MIPOL1: variants seen among roughly 807,000 people sequenced by gnomAD.
MIPOL1 encodes the protein mirror-image polydactyly gene 1 protein.
In MIPOL1, 57 loss-of-function variants were observed where a neutral mutation model predicts 60.9. The observed-to-expected ratio is 0.94, with a 90% confidence interval of 0.76 to 1.17. MIPOL1 has a LOEUF of 1.17. Ranked by LOEUF, MIPOL1 falls within the 50% of genes most tolerant of loss-of-function variation. The probability of loss-of-function intolerance (pLI) is 0.00; values close to 1 mark genes in which losing one functional copy is unlikely to be tolerated. For missense variants in MIPOL1, 551 were observed against 511.6 expected, an observed-to-expected ratio of 1.08 and a Z score of -0.74; for synonymous variants, 179 against 168.8, an observed-to-expected ratio of 1.06 and a Z score of -0.47.
chr14:37,215,149 G>A (rs1967406645), intron 1 of MIPOL1, among the ~76,000 whole-genome samples: 1 of 152,074 alleles, frequency 6.6e-6, no homozygotes, highest in Non-Finnish European at 1.5e-5. Context: ...CTCTCTCTCT[G>A]TCCGCCTTGG....
intron 12 of MIPOL1, among the ~76,000 whole-genome samples, chr14:37,538,039 T>C (rs914604398): frequency 5.3e-5 from 8 of 152,240 alleles, no homozygotes; most frequent in Non-Finnish European, 7.3e-5. Context: ...GATGATACCC[T>C]GTAGCTGGTC....
At chr14:37,265,087 A>G (rs2082779668) in intron 3 of MIPOL1, 2 of 152,334 alleles carry the variant, frequency 1.3e-5, no homozygotes, top group Middle Eastern at 3.4e-3. Context: ...ATTTCAATAC[A>G]AGAAATGTCT....
At chr14:37,236,674 G>C (rs1278994703) in intron 1 of MIPOL1, among the ~76,000 whole-genome samples, 1 of 152,024 alleles carries the variant, frequency 6.6e-6, no homozygotes, top group Non-Finnish European at 1.5e-5. Flanking sequence ...CTGACCTCAG[G>C]TGATCTATCT....
intron 7 of MIPOL1, among the ~76,000 whole-genome samples, chr14:37,292,601 C>G (rs1427384479): frequency 6.6e-6 from 1 of 151,020 alleles, no homozygotes; most frequent in East Asian, 2.0e-4. Context: ...CTGCCTCAGC[C>G]TCCAGAGTTG....
intron 12 of MIPOL1, among the ~76,000 whole-genome samples, chr14:37,522,657 T>C (rs1192593017): frequency 6.6e-6 from 1 of 152,180 alleles, no homozygotes; most frequent in East Asian, 1.9e-4. Context: ...AAAAGCAAAC[T>C]GTGAATGAAC....
At chr14:37,270,282 A>T (rs982502961) in intron 5 of MIPOL1, 138 bp from the exon 6 acceptor site, 3 of 421,372 alleles carry the variant, frequency 7.1e-6, no homozygotes, top group East Asian at 3.8e-5. Flanking sequence ...TAAATTTTAA[A>T]TTTTTTTCTG....
chr14:37,508,485 C>A (rs1367274628), intron 12 of MIPOL1, among the ~76,000 whole-genome samples: 8 of 151,998 alleles, frequency 5.3e-5, no homozygotes, highest in Admixed American at 1.3e-4. Context: ...GTACAATGAA[C>A]ATATGTTTAT....
Position 37,451,340 on chromosome 14 carries a change from T to C in MIPOL1, c.1031+28391T>C, listed in dbSNP as rs187219640. Among the ~76,000 whole-genome samples, 450 of 152,294 alleles carry C rather than the reference T, an allele frequency of 3.0e-3. 3 individuals are homozygous for C. The highest frequency in any genetic ancestry group is 9.3e-3 in the African/African-American group (387 of 41,564). On this transcript the variant is annotated intron_variant, in intron 11 of 12. Transcript: ENST00000684589. ...ATGAAGGCAGCTATTGAGATGGCCT[T>C]ATTAATGTCAGAAGCCAGTGTTTCT... is the stretch of plus-strand genomic sequence containing the variant.
intron 3 of MIPOL1, among the ~76,000 whole-genome samples, chr14:37,266,057 C>A (rs1311407136): frequency 6.6e-6 from 1 of 151,932 alleles, no homozygotes; most frequent in African/African-American, 2.4e-5. Context: ...AATAAAACTT[C>A]AAGGGGTTAT....
intron 10 of MIPOL1, among the ~76,000 whole-genome samples, chr14:37,382,168 A>G (rs1452064025): frequency 6.6e-6 from 1 of 152,064 alleles, no homozygotes; most frequent in African/African-American, 2.4e-5. Flanking sequence ...ATTTCCAGTA[A>G]CTGAATTCTA....
intron 9 of MIPOL1, among the ~76,000 whole-genome samples, chr14:37,351,936 T>G (rs981547137): frequency 2.7e-5 from 4 of 150,474 alleles, no homozygotes; most frequent in African/African-American, 9.8e-5. Context: ...ATTTTGTCTT[T>G]TGTTGCCATT....
At chr14:37,222,967 A>G (rs969856056) in intron 1 of MIPOL1, among the ~76,000 whole-genome samples, 4 of 152,190 alleles carry the variant, frequency 2.6e-5, no homozygotes, top group African/African-American at 9.7e-5. Flanking sequence ...GAGGGTCTTC[A>G]TCTATGGTGG....
intron 11 of MIPOL1, among the ~76,000 whole-genome samples, chr14:37,489,344 T>G (rs1485010131): frequency 6.6e-6 from 1 of 152,180 alleles, no homozygotes; most frequent in Admixed American, 6.5e-5. Flanking sequence ...TAGTTAGCAT[T>G]TCCTCTAACC....
intron 7 of MIPOL1, among the ~76,000 whole-genome samples, chr14:37,305,048 C>T (rs1014822511): frequency 2.6e-5 from 4 of 151,530 alleles, no homozygotes; most frequent in African/African-American, 9.7e-5. Flanking sequence ...ACTAGTAAAC[C>T]TTAGTACCTT....
At chr14:37,494,955 G>T (rs1056310492) in intron 11 of MIPOL1, among the ~76,000 whole-genome samples, 6 of 151,868 alleles carry the variant, frequency 4.0e-5, no homozygotes, top group African/African-American at 1.2e-4. Context: ...CCATCTGAGA[G>T]AAAAATCAAA....
chr14:37,201,482 T>G (rs1965334863), intron 1 of MIPOL1, among the ~76,000 whole-genome samples: 1 of 152,208 alleles, frequency 6.6e-6, no homozygotes. Context: ...TTCTGGATAT[T>G]TTGAGTAAAA....
chr14:37,305,707 T>C (rs151054204), intron 7 of MIPOL1, among the ~76,000 whole-genome samples: 62 of 152,018 alleles, frequency 4.1e-4, no homozygotes, highest in Non-Finnish European at 8.4e-4. Flanking sequence ...CATGTTTGTA[T>C]TGAAAGTTAC....
chr14:37,293,862 C>A (rs2085340945), intron 7 of MIPOL1, among the ~76,000 whole-genome samples: 1 of 152,238 alleles, frequency 6.6e-6, no homozygotes, highest in Admixed American at 6.5e-5. Flanking sequence ...CTTCCTGCCT[C>A]TGTAGGCTCC....
chr14:37,215,331 G>A (rs1214494776), intron 1 of MIPOL1, among the ~76,000 whole-genome samples: 1 of 151,798 alleles, frequency 6.6e-6, no homozygotes, highest in Admixed American at 6.6e-5. Context: ...GGTGGTAGTG[G>A]TCTCCTGGGC....
Sources: gnomAD v4.1 joint callset for allele counts (sites outside exome capture counted in the v4.1 genomes callset) on GRCh38, gnomAD v4.1.1 for gene constraint, MANE v1.5 for transcripts, NCBI Gene and HGNC (gene_info 2026-07-23, HGNC 2026-07-21) for gene names.